Variants in GARIN1B observed in about 807,000 individuals in gnomAD.
The protein encoded by GARIN1B is golgi associated RAB2 interactor 1B.
At chr7:128,715,251 G>A in the GARIN1B span, 2 of 1,422,006 alleles carry the variant, frequency 1.4e-6, 1 homozygote, top group South Asian at 3.1e-5. Context: ...AGGCACACAA[G>A]CTCTCTGGAG....
the GARIN1B span, among the ~76,000 whole-genome samples, chr7:128,721,080 T>C: frequency 2.0e-5 from 3 of 152,240 alleles, no homozygotes; most frequent in Admixed American, 2.0e-4. Context: ...ATATTGTGTC[T>C]TCCAACATCT....
chr7:128,731,334 G>C, the GARIN1B span: 1 of 605,036 alleles, frequency 1.7e-6, no homozygotes, highest in South Asian at 2.0e-5. Flanking sequence ...GCCAGAGCTG[G>C]CCTAGCAAGA....
chr7:128,731,583 A>C, the GARIN1B span: 1 of 173,562 alleles, frequency 5.8e-6, no homozygotes, highest in Non-Finnish European at 1.2e-5. Flanking sequence ...TATTTATCTA[A>C]TTTAAAACTT....
At chr7:128,711,978 T>C in the GARIN1B span, among the ~76,000 whole-genome samples, 15 of 152,220 alleles carry the variant, frequency 9.9e-5, no homozygotes, top group East Asian at 2.9e-3. Flanking sequence ...GAGGCGGAGG[T>C]TGCAGTGAGC....
chr7:128,728,384 A>G, the GARIN1B span, among the ~76,000 whole-genome samples: 1 of 152,108 alleles, frequency 6.6e-6, no homozygotes, highest in Non-Finnish European at 1.5e-5. Context: ...TGGAGGTTGC[A>G]GTGAGCCGAG....
the GARIN1B span, among the ~76,000 whole-genome samples, chr7:128,724,467 A>G: frequency 3.9e-5 from 6 of 152,112 alleles, no homozygotes; most frequent in African/African-American, 1.4e-4. Flanking sequence ...CTTAATATAG[A>G]GTCTGTTCTG....
At chr7:128,716,246 C>T in the GARIN1B span, among the ~76,000 whole-genome samples, 13 of 152,206 alleles carry the variant, frequency 8.5e-5, no homozygotes, top group African/African-American at 3.1e-4. Flanking sequence ...GCACGTTCGT[C>T]TCCTTGCCTG....
the GARIN1B span, among the ~76,000 whole-genome samples, chr7:128,722,493 T>G: frequency 3.3e-5 from 5 of 152,320 alleles, no homozygotes; most frequent in African/African-American, 1.2e-4. Context: ...AGGATATTTC[T>G]TAGAGAAATT....
At chr7:128,713,513 A>C in the GARIN1B span, among the ~76,000 whole-genome samples, 1 of 152,188 alleles carries the variant, frequency 6.6e-6, no homozygotes, top group African/African-American at 2.4e-5. Context: ...TGGCAAGATC[A>C]CAGCTCACTG....
chr7:128,724,198 A>G, the GARIN1B span, among the ~76,000 whole-genome samples: 1 of 152,042 alleles, frequency 6.6e-6, no homozygotes, highest in African/African-American at 2.4e-5. Context: ...TTTAGTAGAG[A>G]CAGGGTTTCA....
At chr7:128,725,948 TAGAC>T in the GARIN1B span, among the ~76,000 whole-genome samples, 3 of 152,090 alleles carry the variant, frequency 2.0e-5, no homozygotes, top group African/African-American at 4.8e-5. Flanking sequence ...AAATAGGTAA[TAGAC>T]AGCTAAAGAA....
the GARIN1B span, among the ~76,000 whole-genome samples, chr7:128,712,541 C>T: frequency 6.6e-6 from 1 of 152,200 alleles, no homozygotes; most frequent in African/African-American, 2.4e-5. Context: ...CTTGGCTTCA[C>T]AAAACCTGGG....
At chr7:128,726,888 G>T in the GARIN1B span, 118 of 1,610,990 alleles carry the variant, frequency 7.3e-5, no homozygotes, top group Non-Finnish European at 9.8e-5. Context: ...GAGGGCACAG[G>T]GTACCATGCC....
chr7:128,730,322 G>C, the GARIN1B span, among the ~76,000 whole-genome samples: 1 of 152,190 alleles, frequency 6.6e-6, no homozygotes, highest in African/African-American at 2.4e-5. Flanking sequence ...TGCTGTATGG[G>C]AGGTGTAAGG....
the GARIN1B span, chr7:128,715,468 G>C: frequency 1.2e-6 from 2 of 1,614,110 alleles, no homozygotes; most frequent in Non-Finnish European, 1.7e-6. Context: ...CACATAGAAA[G>C]ACTTGGAGGA....
chr7:128,716,936 C>T, the GARIN1B span: 1 of 1,613,990 alleles, frequency 6.2e-7, no homozygotes, highest in East Asian at 2.2e-5. Context: ...TGTCAAATGG[C>T]ACCAGGGGCA....
At chr7:128,711,658 G>GACACACACACACACACACAC in the GARIN1B span, among the ~76,000 whole-genome samples, 6 of 144,870 alleles carry the variant, frequency 4.1e-5, no homozygotes, top group Non-Finnish European at 3.0e-5. Flanking sequence ...TGGTTTTACA[G>GACACACACACACACACACAC]ACACACACAC....
At chr7:128,723,145 G>A in the GARIN1B span, 3 of 1,496,658 alleles carry the variant, frequency 2.0e-6, no homozygotes, top group Non-Finnish European at 2.7e-6. Context: ...TTAGGAAAAT[G>A]TGAAGACCCC....
chr7:128,717,236 C>T, the GARIN1B span, among the ~76,000 whole-genome samples: 1 of 152,118 alleles, frequency 6.6e-6, no homozygotes, highest in African/African-American at 2.4e-5. Context: ...CACTTTCTTT[C>T]TCGCTGCACA....
Sources: allele counts gnomAD v4.1 joint callset (sites outside exome capture counted in the v4.1 genomes callset), GRCh38; gene constraint gnomAD v4.1.1; transcripts MANE v1.5; gene names NCBI Gene and HGNC (gene_info 2026-07-23, HGNC 2026-07-21).